Variants in CCDC148 observed in about 807,000 individuals in gnomAD.
The protein encoded by CCDC148 is coiled-coil domain-containing protein 148.
Under a neutral mutation model 85.7 loss-of-function variants are expected in CCDC148, and 89 were observed. The ratio of observed to expected loss-of-function variants is 1.04; its 90% CI spans 0.87 to 1.24. The LOEUF is 1.24. CCDC148 is among the 50% of genes most tolerant of loss of function. CCDC148 has a pLI of 0.00. For synonymous variants in CCDC148, 230 were observed against 213.9 expected, an observed-to-expected ratio of 1.08 and a Z score of -0.66; for missense variants, 692 against 671.7, an observed-to-expected ratio of 1.03 and a Z score of -0.33.
chr2:158,392,653 T>A (rs1374507752), intron 1 of CCDC148, among the ~76,000 whole-genome samples: 1 of 152,122 alleles, frequency 6.6e-6, no homozygotes, highest in East Asian at 1.9e-4. Context: ...ATTATTTGCA[T>A]TACTATATAC....
At chr2:158,281,551 C>T (rs1690301369) in intron 9 of CCDC148, among the ~76,000 whole-genome samples, 1 of 152,150 alleles carries the variant, frequency 6.6e-6, no homozygotes, top group African/African-American at 2.4e-5. Context: ...TTCCTCGACA[C>T]ATACACTCTC....
intron 11 of CCDC148, among the ~76,000 whole-genome samples, chr2:158,187,530 T>TCCACTCC (rs1355082361): frequency 6.6e-6 from 1 of 152,032 alleles, no homozygotes; most frequent in Admixed American, 6.6e-5. Context: ...CTGGCCTCTG[T>TCCACTCC]CCACTCCACT....
chr2:158,345,353 A>G, intron 2 of CCDC148, 35 bp from the exon 3 acceptor site: 1 of 1,404,108 alleles, frequency 7.1e-7, no homozygotes, highest in Non-Finnish European at 1.0e-6. Flanking sequence ...AGCAACTTCA[A>G]AGTTTTCAGA....
intron 10 of CCDC148, among the ~76,000 whole-genome samples, chr2:158,241,595 A>G (rs1688353597): frequency 6.6e-6 from 1 of 152,158 alleles, no homozygotes; most frequent in South Asian, 2.1e-4. Flanking sequence ...GAACAAGCAA[A>G]TGAATGAATG....
At chr2:158,430,359 A>AT (rs1687292622) in intron 1 of CCDC148, among the ~76,000 whole-genome samples, 2 of 152,160 alleles carry the variant, frequency 1.3e-5, no homozygotes, top group African/African-American at 4.8e-5. Flanking sequence ...CCAAAAACTA[A>AT]TTTTTTTAAA....
At chr2:158,377,191 G>A (rs748378401) in intron 1 of CCDC148, among the ~76,000 whole-genome samples, 14 of 151,922 alleles carry the variant, frequency 9.2e-5, no homozygotes, top group East Asian at 1.9e-4. Flanking sequence ...ACTAGGGGAA[G>A]TGGAGGAAAA....
Position 158,171,407 on chromosome 2 carries a change from A to T in CCDC148, c.*706T>A, listed in dbSNP as rs1024439327. On this transcript the variant is annotated 3_prime_UTR_variant, in exon 14 of 14. Transcript: ENST00000283233. ...TTAAATGCTCCTTTTCTATAAAATC[A>T]TCTAAATATTTAATAGATAATTTGG... 7.9e-5 allele frequency: 12 copies of T among 152,008 alleles called. No homozygotes were observed. Among genetic ancestry groups the T allele is most frequent in the Admixed American group, 6.6e-5 (1 of 15,218 alleles). The allele number at this position is 152,008 out of a possible 1,614,324, so 9.4% of individuals were successfully genotyped here. A position where few individuals can be genotyped will look rare whatever the true frequency, so the allele number is the denominator to read the frequency against.
chr2:158,303,781 A>C (rs1691557038), intron 9 of CCDC148, among the ~76,000 whole-genome samples: 1 of 152,156 alleles, frequency 6.6e-6, no homozygotes, highest in Non-Finnish European at 1.5e-5. Context: ...TACCCTTCTG[A>C]GGAGGCTACA....
intron 9 of CCDC148, among the ~76,000 whole-genome samples, chr2:158,251,606 T>C (rs1388278639): frequency 6.6e-6 from 1 of 151,814 alleles, no homozygotes; most frequent in Non-Finnish European, 1.5e-5. Flanking sequence ...CAGTGCTGTT[T>C]AAAACAGAAA....
chr2:158,326,104 C>T (rs1416788217), intron 7 of CCDC148, among the ~76,000 whole-genome samples: 2 of 152,040 alleles, frequency 1.3e-5, no homozygotes, highest in African/African-American at 4.8e-5. Context: ...AATGTCCTGC[C>T]CCCCATCCAT....
intron 10 of CCDC148, among the ~76,000 whole-genome samples, chr2:158,234,402 C>T (rs1688002126): frequency 6.6e-6 from 1 of 152,142 alleles, no homozygotes; most frequent in South Asian, 2.1e-4. Flanking sequence ...TAAACTTGAA[C>T]ATTTTAGCAA....
chr2:158,434,558 T>C (rs11889550), intron 1 of CCDC148, among the ~76,000 whole-genome samples: 130,006 of 152,144 alleles, frequency 0.85, 57,192 homozygotes, highest in Non-Finnish European at 0.96. Context: ...AAAATCAGAG[T>C]GCCTCTTCTC....
At chr2:158,337,926 A>G (rs1363772771) in intron 7 of CCDC148, among the ~76,000 whole-genome samples, 2 of 152,206 alleles carry the variant, frequency 1.3e-5, no homozygotes, top group East Asian at 3.8e-4. Context: ...CTTCCATTCC[A>G]AAGTTATAAA....
At chr2:158,273,313 TAAC>T (rs1335442751) in intron 9 of CCDC148, among the ~76,000 whole-genome samples, 4 of 152,154 alleles carry the variant, frequency 2.6e-5, no homozygotes, top group African/African-American at 7.2e-5. Context: ...GTAAACATAA[TAAC>T]AATATACCCC....
In CCDC148 at chr2:158,293,800, T is replaced by G. The variant is rs534744493; in HGVS notation, c.1110+15633A>C. On this transcript the variant is annotated intron_variant, in intron 9 of 13. Coordinates refer to ENST00000283233, the MANE Select transcript of CCDC148 (RefSeq NM_138803.4). Reference sequence around the variant, plus strand: ...CCTGTTATTTTATTCTCACCTTTATTCATAGTAATAATCTCTGAATTTTGG... The same window carrying G: ...CCTGTTATTTTATTCTCACCTTTATGCATAGTAATAATCTCTGAATTTTGG... Among the ~76,000 whole-genome samples, 37 of 152,332 alleles carry G rather than the reference T, an allele frequency of 2.4e-4. No homozygotes were observed. The East Asian group carries it at 6.0e-3, about 25-fold the overall frequency.
At chr2:158,421,828 T>A (rs1368627204) in intron 1 of CCDC148, among the ~76,000 whole-genome samples, 3 of 152,012 alleles carry the variant, frequency 2.0e-5, no homozygotes, top group African/African-American at 7.2e-5. Flanking sequence ...TCAACAAAAT[T>A]GATAGACCAC....
chr2:158,334,329 G>A (rs11684127), intron 7 of CCDC148, among the ~76,000 whole-genome samples: 27,353 of 151,960 alleles, frequency 0.18, 3,115 homozygotes, highest in Middle Eastern at 0.26. Flanking sequence ...TTTGTGCTGC[G>A]GTCTCACTTA....
chr2:158,221,047 T>G (rs1292716678), intron 10 of CCDC148, among the ~76,000 whole-genome samples: 2 of 152,242 alleles, frequency 1.3e-5, no homozygotes, highest in Non-Finnish European at 2.9e-5. Context: ...GTATATGATC[T>G]ACCTGTTACT....
At chr2:158,267,823 G>A (rs757074493) in intron 9 of CCDC148, among the ~76,000 whole-genome samples, 3 of 152,090 alleles carry the variant, frequency 2.0e-5, no homozygotes, top group African/African-American at 4.8e-5. Flanking sequence ...TTTCTAGAAC[G>A]TTATATAAAA....
Sources: gnomAD v4.1 joint callset for allele counts (sites outside exome capture counted in the v4.1 genomes callset) on GRCh38, gnomAD v4.1.1 for gene constraint, MANE v1.5 for transcripts, NCBI Gene and HGNC (gene_info 2026-07-23, HGNC 2026-07-21) for gene names.